Variants in SPEG observed in about 807,000 individuals in gnomAD.
The protein encoded by SPEG is striated muscle preferentially expressed protein kinase.
In SPEG, 114 loss-of-function variants were observed where a neutral mutation model predicts 300.4. The observed-to-expected ratio is 0.38, with a 90% CI of 0.33 to 0.44. The LOEUF is 0.44. SPEG is among the 20% of genes least tolerant of loss of function. The pLI is 1.00. For missense variants in SPEG, 4,201 were observed against 4,586.2 expected (o/e 0.92, Z 2.43); for synonymous variants, 1,964 against 2,018.9 (o/e 0.97, Z 0.73).
At position 219,434,887 on chromosome 2, in the gene SPEG, G is replaced by A; in HGVS notation, c.-91G>A. On this transcript the variant is annotated 5_prime_UTR_variant, in exon 1 of 41. Transcript: ENST00000312358. ...CGGGCAGCAGGAAGGCAGGCCGCCG[G>A]CCCCCCAGACTTGTCTCCTAGGGCA... 1.2e-6 allele frequency: 1 copy of A among 852,636 alleles called. No individual in the cohort carries two copies. Among genetic ancestry groups the A allele is most frequent in the Non-Finnish European group, 1.7e-6 (1 of 592,454 alleles). 52.8% of individuals were successfully genotyped at this position (852,636 alleles called of 1,614,324 possible).
At chr2:219,490,384 T>C in intron 36 of SPEG, 25 bp from the exon 37 acceptor site, 1 of 1,600,970 alleles carries the variant, frequency 6.2e-7, no homozygotes, top group Non-Finnish European at 8.5e-7. Context: ...TCTGAGCCGG[T>C]GGTGTCCCTC....
In SPEG at chr2:219,478,077, C is replaced by T. The variant is rs149716323; in HGVS notation, c.4999C>T (p.Arg1667Cys). The T allele has an allele frequency of 8.7e-5, 141 of 1,614,142 alleles. No homozygotes were observed. The African/African-American group carries it at 1.3e-3, about 15-fold the overall frequency. The change falls in exon 22 of 41, where the codon CGC becomes TGC. Residue 1667 changes from arginine to cysteine, a missense_variant. Arg to Cys is a radical substitution (Grantham distance 180). This residue lies in a region of SPEG where 1,047 missense variants were observed against 1,356.8 expected (regional missense o/e 0.77). Coordinates refer to ENST00000312358, the MANE Select transcript of SPEG (RefSeq NM_005876.5). The part of the protein sequence containing the change: ...VLYFHEAFER[R>C]RGLVIVTELC... ...CTACTTCCATGAGGCCTTCGAGAGG[C>T]GCCGGGGACTGGTCATTGTCACCGA...
chr2:219,451,823 A>G lies in SPEG; in HGVS notation c.2440+16A>G. On this transcript the variant is annotated intron_variant, in intron 6 of 40. Coordinates refer to ENST00000312358, the MANE Select transcript of SPEG (RefSeq NM_005876.5). This position sits in a 1 kb window ranked among gnomAD's most constrained non-coding sequence, Gnocchi z 6.4. Reference sequence around the variant, plus strand: ...GTGAGACCCGGTAGGGAGCCCATCAACCCTGGGGCTGGGTGGGGGCAAGCC... The same window carrying G: ...GTGAGACCCGGTAGGGAGCCCATCAGCCCTGGGGCTGGGTGGGGGCAAGCC... The G allele has an allele frequency of 6.6e-7, 1 of 1,505,100 alleles. No individual in the cohort carries two copies. Among genetic ancestry groups the G allele is most frequent in the Middle Eastern group, 2.1e-4 (1 of 4,714 alleles). 93.2% of individuals were successfully genotyped at this position (1,505,100 alleles called of 1,614,324 possible). A position where few individuals can be genotyped will look rare whatever the true frequency, so the allele number is the denominator to read the frequency against.
intron 10 of SPEG, 122 bp from the exon 11 acceptor site, chr2:219,468,456 G>A: frequency 4.4e-6 from 5 of 1,136,336 alleles, no homozygotes; most frequent in Non-Finnish European, 6.2e-6. Flanking sequence ...TGAGTACCCA[G>A]AGCCTTTGCT....
chr2:219,468,685 G>T lies in SPEG; in HGVS notation c.3250G>T (p.Asp1084Tyr), dbSNP rs759841206. The T allele has an allele frequency of 6.2e-7, 1 of 1,614,110 alleles. No homozygotes were observed. Among genetic ancestry groups the T allele is most frequent in the East Asian group, 2.2e-5 (1 of 44,890 alleles). Residue 1084 changes from aspartate (D) to tyrosine (Y), a missense_variant, in exon 11 of 41, where the codon GAC becomes TAC. By Grantham distance (160) the Asp-to-Tyr change is radical (BLOSUM62 -3). Around this residue, in one of 4 missense-constraint regions of SPEG, gnomAD observed 1,047 missense variants for 1,356.8 expected, o/e 0.77. Transcript: ENST00000312358. ...GTTGGAGGGCCGAGCTGCCCGTTTCGACTGCAAGATCAGTGGCACCCCGCC... is the reference window on the plus strand; with the variant it reads ...GTTGGAGGGCCGAGCTGCCCGTTTCTACTGCAAGATCAGTGGCACCCCGCC... Reference protein sequence around the residue: ...EVLEGRAARFDCKISGTPPPV... With the variant: ...EVLEGRAARFYCKISGTPPPV...
rs1690492935 is a variant in SPEG at position 219,459,775 on chromosome 2, C to G, written c.2441-2107C>G. On this transcript the variant is annotated intron_variant, in intron 6 of 40. Transcript: ENST00000312358. This position sits in a 1 kb window ranked among gnomAD's most constrained non-coding sequence, Gnocchi z 4.9. Reference sequence around the variant, plus strand: ...ATGCCTGTGATCTCAGCATCAAATGCCTTAAGCACCAAATGCCATTCTGAC... The same window carrying G: ...ATGCCTGTGATCTCAGCATCAAATGGCTTAAGCACCAAATGCCATTCTGAC... Among the ~76,000 whole-genome samples the G allele has an allele frequency of 6.6e-6, 1 of 152,180 alleles. No individual in the cohort carries two copies. Among genetic ancestry groups the G allele is most frequent in the African/African-American group, 2.4e-5 (1 of 41,432 alleles).
At chr2:219,461,443 C>G (rs1690686787) in intron 6 of SPEG, 2 of 1,031,036 alleles carry the variant, frequency 1.9e-6, no homozygotes, top group Non-Finnish European at 2.3e-6. Context: ...GCCCAGCTCA[C>G]CCAAGAAATG....
Position 219,445,101 on chromosome 2 carries a change from C to A in SPEG, c.755C>A (p.Ala252Asp). ...GGGTCAGAGGATAGCCTTTCCGTGG[C>A]CAGTGACCTGTACGGCAGCGCATTC... Reference protein sequence around the residue: ...SWGSEDSLSVASDLYGSAFSL... With the variant: ...SWGSEDSLSVDSDLYGSAFSL... Residue 252 changes from alanine to aspartate, a missense_variant, in exon 3 of 41, where the codon GCC becomes GAC. Ala to Asp is a moderately radical substitution (Grantham distance 126, BLOSUM62 -2). This residue lies in a region of SPEG where 1,258 missense variants were observed against 1,293.9 expected (regional missense o/e 0.97). Coordinates refer to ENST00000312358, the MANE Select transcript of SPEG (RefSeq NM_005876.5). This position sits in a 1 kb window ranked among gnomAD's most constrained non-coding sequence, Gnocchi z 6.1. 6 of 1,601,166 alleles carry A rather than the reference C, an allele frequency of 3.7e-6. No individual in the cohort carries two copies. The highest frequency in any genetic ancestry group is 5.1e-6 in the Non-Finnish European group (6 of 1,174,182).
At chr2:219,452,608 G>T (rs1689850734) in intron 6 of SPEG, among the ~76,000 whole-genome samples, 1 of 152,044 alleles carries the variant, frequency 6.6e-6, no homozygotes, top group Non-Finnish European at 1.5e-5. Context: ...TGGATCAGAG[G>T]ACCTAGGTTG....
At chr2:219,471,733 C>A in intron 13 of SPEG, 135 bp from the exon 14 acceptor site, 1 of 1,098,108 alleles carries the variant, frequency 9.1e-7, no homozygotes, top group Non-Finnish European at 1.3e-6. Context: ...CCTGCCCCAT[C>A]CTTGCCCCAT....
chr2:219,456,781 C>T (rs921370581), intron 6 of SPEG, among the ~76,000 whole-genome samples: 10 of 151,844 alleles, frequency 6.6e-5, no homozygotes, highest in Non-Finnish European at 1.3e-4. Flanking sequence ...TGGTGATGGA[C>T]GTCTCTAATT....
In SPEG at chr2:219,452,519, G is replaced by A. The variant is rs896944639; in HGVS notation, c.2440+712G>A. On this transcript the variant is annotated intron_variant, in intron 6 of 40. Transcript: ENST00000312358. ...ACTGACCCCGGGCCTGGGGTTCGGGGAGGTGAGGATGGTCAGGGGGTATTA... is the reference window on the plus strand; with the variant it reads ...ACTGACCCCGGGCCTGGGGTTCGGGAAGGTGAGGATGGTCAGGGGGTATTA... 2.0e-5 allele frequency among the ~76,000 whole-genome samples: 3 copies of A among 152,260 alleles called. No individual in the cohort carries two copies. In the East Asian group the frequency reaches 5.8e-4, roughly 29 times the overall value.
At chr2:219,486,774 G>T (rs961079316) in intron 31 of SPEG, among the ~76,000 whole-genome samples, 1 of 152,012 alleles carries the variant, frequency 6.6e-6, no homozygotes, top group African/African-American at 2.4e-5. Context: ...GGCTGGGCCC[G>T]GGTCACTTTC....
rs768793738 is a variant in SPEG, at chr2:219,473,672, T to A, written c.4271+45T>A. On this transcript the variant is annotated intron_variant, in intron 17 of 40. Transcript: ENST00000312358. The surrounding 1 kb of genome is among the most constrained non-coding windows in gnomAD (Gnocchi z 4.6). ...GTGGCAGCCCAGGTCTGGCCCAGCC[T>A]GGCCGGAATGCCCTGGGGCAAGATC... is the stretch of plus-strand genomic sequence containing the variant. 4.3e-6 allele frequency: 7 copies of A among 1,613,580 alleles called. No individual in the cohort carries two copies. The East Asian group carries it at 1.6e-4, about 36-fold the overall frequency.
chr2:219,483,497 A>C lies in SPEG; in HGVS notation c.6034A>C (p.Arg2012=). 7.0e-7 allele frequency: 1 copy of C among 1,432,450 alleles called. No homozygotes were observed. Among genetic ancestry groups the C allele is most frequent in the Non-Finnish European group, 9.1e-7 (1 of 1,103,928 alleles). The allele number at this position is 1,432,450 out of a possible 1,614,324, so 88.7% of individuals were successfully genotyped here. Residue 2012 remains arginine, a synonymous_variant, in exon 30 of 41, where the codon AGG becomes CGG. Coordinates refer to ENST00000312358, the MANE Select transcript of SPEG (RefSeq NM_005876.5). The part of the protein sequence containing the change: ...GASPRRGELR[R]GSSAESALPR... ...TAGCCCCAGGCGGGGAGAGCTCCGC[A>C]GGGGCAGCTCGGCTGAGAGCGCCCT...
At chr2:219,454,304 C>A (rs1690005409) in intron 6 of SPEG, among the ~76,000 whole-genome samples, 1 of 152,194 alleles carries the variant, frequency 6.6e-6, no homozygotes, top group Admixed American at 6.5e-5. Context: ...CCCCTGGTCC[C>A]TCCCACCCTT....
intron 6 of SPEG, among the ~76,000 whole-genome samples, chr2:219,453,669 C>G (rs1689947780): frequency 6.6e-6 from 1 of 152,224 alleles, no homozygotes; most frequent in Admixed American, 6.5e-5. Context: ...TAGTCTGTTG[C>G]ATCAGGCATT....
At chr2:219,471,640 G>C (rs1691882118) in intron 13 of SPEG, 1 of 571,320 alleles carries the variant, frequency 1.8e-6, no homozygotes, top group South Asian at 2.0e-5. Context: ...GGACAGACCA[G>C]AGGGGCCAGG....
chr2:219,436,398 G>A (rs1253422333), intron 1 of SPEG, among the ~76,000 whole-genome samples: 1 of 152,262 alleles, frequency 6.6e-6, no homozygotes, highest in East Asian at 1.9e-4. Flanking sequence ...CCTTGGGCAG[G>A]CTGCGCCTTG....
Sources: gnomAD v4.1 joint callset for allele counts (sites outside exome capture counted in the v4.1 genomes callset) on GRCh38, gnomAD v4.1.1 for gene constraint, gnomAD v4.1.1 regional missense constraint, Gnocchi (gnomAD v3.1) non-coding constraint, MANE v1.5 for transcripts, NCBI Gene and HGNC (gene_info 2026-07-23, HGNC 2026-07-21) for gene names.